The following RANBP2 variants were observed in gnomAD, a reference collection of about 807,000 sequenced individuals.
The protein encoded by RANBP2 is E3 SUMO-protein ligase RanBP2.
RANBP2 carries 57 observed loss-of-function variants against 303.6 expected under a neutral mutation model. That is an observed-to-expected ratio of 0.19 (90% CI 0.15 to 0.23). RANBP2 has a LOEUF of 0.23. Ranked by LOEUF, RANBP2 falls within the 10% of genes least tolerant of loss-of-function variation. The pLI is 1.00. For synonymous variants in RANBP2, 1,167 were observed against 1,301.5 expected, an observed-to-expected ratio of 0.90 and a Z score of 2.23; for missense variants, 3,138 against 3,780.8, an observed-to-expected ratio of 0.83 and a Z score of 4.46.
At chr2:109,434,913 C>T in the RANBP2 span, among the ~76,000 whole-genome samples, 1 of 151,866 alleles carries the variant, frequency 6.6e-6, no homozygotes, top group Admixed American at 6.6e-5. Flanking sequence ...ACTGTCTTCT[C>T]CTGCTGCCAG....
the RANBP2 span, among the ~76,000 whole-genome samples, chr2:108,957,092 G>A: frequency 6.6e-6 from 1 of 152,166 alleles, no homozygotes; most frequent in Non-Finnish European, 1.5e-5. Context: ...GCCCAGCCAA[G>A]GCAAAGGCTG....
chr2:108,970,487 A>G, the RANBP2 span, among the ~76,000 whole-genome samples: 1 of 152,126 alleles, frequency 6.6e-6, no homozygotes, highest in East Asian at 1.9e-4. Context: ...GGAGGGCAGG[A>G]CACTGAGTGG....
chr2:109,391,836 T>C, the RANBP2 span, among the ~76,000 whole-genome samples: 5 of 151,994 alleles, frequency 3.3e-5, no homozygotes, highest in African/African-American at 9.7e-5. Context: ...CCTAAAAATA[T>C]GGTCTTCTTT....
chr2:108,846,744 A>G, the RANBP2 span: 2 of 1,607,618 alleles, frequency 1.2e-6, no homozygotes, highest in Non-Finnish European at 1.7e-6. Context: ...ACAGCACTCG[A>G]CTATGACATC....
chr2:109,395,182 C>A, the RANBP2 span, among the ~76,000 whole-genome samples: 1 of 152,234 alleles, frequency 6.6e-6, no homozygotes, highest in Non-Finnish European at 1.5e-5. Context: ...TACTCGCATG[C>A]CTGTGTGAGT....
At chr2:109,716,811 A>C in the RANBP2 span, among the ~76,000 whole-genome samples, 178 of 152,284 alleles carry the variant, frequency 1.2e-3, 2 homozygotes, top group South Asian at 0.011. Context: ...TGCCTTCCAA[A>C]GTGTTGGAAT....
At chr2:109,347,544 T>C in the RANBP2 span, 3 of 1,244,666 alleles carry the variant, frequency 2.4e-6, no homozygotes, top group Admixed American at 8.4e-5. Context: ...ATTTTCCACT[T>C]GCGGGGCACT....
chr2:109,106,934 CTTTTTTT>C, the RANBP2 span, among the ~76,000 whole-genome samples: 1 of 133,782 alleles, frequency 7.5e-6, no homozygotes, highest in Admixed American at 7.9e-5. Flanking sequence ...GGGCCTTCTC[CTTTTTTT>C]TTTTTTTTTT....
At chr2:109,384,277 G>A in the RANBP2 span, among the ~76,000 whole-genome samples, 9 of 152,292 alleles carry the variant, frequency 5.9e-5, no homozygotes, top group South Asian at 4.1e-4. Context: ...ACACAACAGC[G>A]AAGAAAAGCA....
the RANBP2 span, among the ~76,000 whole-genome samples, chr2:108,795,633 G>A: frequency 6.6e-6 from 1 of 152,132 alleles, no homozygotes; most frequent in African/African-American, 2.4e-5. Flanking sequence ...AATTACCATA[G>A]CATTTTAGAA....
the RANBP2 span, among the ~76,000 whole-genome samples, chr2:109,081,268 C>A: frequency 6.6e-6 from 1 of 152,308 alleles, no homozygotes; most frequent in African/African-American, 2.4e-5. Context: ...GGCTCCACAT[C>A]ATTTCCTCTG....
the RANBP2 span, among the ~76,000 whole-genome samples, chr2:109,482,218 T>C: frequency 6.6e-6 from 1 of 152,184 alleles, no homozygotes; most frequent in Non-Finnish European, 1.5e-5. Context: ...TGAATGAATG[T>C]ATGGGCAAGA....
chr2:108,811,247 CTT>C, the RANBP2 span, among the ~76,000 whole-genome samples: 5 of 113,900 alleles, frequency 4.4e-5, no homozygotes, highest in Non-Finnish European at 3.3e-5. Context: ...TTCTCTCTCT[CTT>C]TTTTTTTTTT....
At chr2:109,314,358 C>T in the RANBP2 span, among the ~76,000 whole-genome samples, 4 of 152,116 alleles carry the variant, frequency 2.6e-5, no homozygotes, top group South Asian at 4.2e-4. Context: ...AAAATGGCTC[C>T]GTTGAAGGGT....
intron 1 of RANBP2, among the ~76,000 whole-genome samples, chr2:108,726,204 C>T (rs1230371163): frequency 6.6e-6 from 1 of 152,188 alleles, no homozygotes; most frequent in East Asian, 1.9e-4. Context: ...CTACCTAGGA[C>T]ACAAGTCATC....
At chr2:109,107,840 A>G in the RANBP2 span, among the ~76,000 whole-genome samples, 1 of 152,112 alleles carries the variant, frequency 6.6e-6, no homozygotes, top group Non-Finnish European at 1.5e-5. Flanking sequence ...GGTTCCAGCG[A>G]TTCTCCTGCC....
At chr2:109,643,870 C>T in the RANBP2 span, among the ~76,000 whole-genome samples, 1 of 152,106 alleles carries the variant, frequency 6.6e-6, no homozygotes, top group East Asian at 1.9e-4. Context: ...CACCTGTAAT[C>T]CCAGCCCTTT....
chr2:109,703,732 T>C, the RANBP2 span, among the ~76,000 whole-genome samples: 1 of 152,152 alleles, frequency 6.6e-6, no homozygotes, highest in Non-Finnish European at 1.5e-5. Flanking sequence ...CCCTGCCTAT[T>C]TTCTGTATTT....
the RANBP2 span, among the ~76,000 whole-genome samples, chr2:109,288,624 CA>C: frequency 6.6e-6 from 1 of 152,192 alleles, no homozygotes; most frequent in African/African-American, 2.4e-5. Context: ...TTTTGCAAGG[CA>C]AGTCATTGTC....
Sources: gnomAD v4.1 joint callset for allele counts (sites outside exome capture counted in the v4.1 genomes callset) on GRCh38, gnomAD v4.1.1 for gene constraint, MANE v1.5 for transcripts, NCBI Gene and HGNC (gene_info 2026-07-23, HGNC 2026-07-21) for gene names.